The following NEK10 variants were observed in gnomAD, a reference collection of about 807,000 sequenced individuals.
The protein encoded by NEK10 is NIMA related kinase 10, also known as serine/threonine-protein kinase Nek10.
Under a neutral mutation model 159.8 loss-of-function variants are expected in NEK10, and 122 were observed. That is an observed-to-expected ratio of 0.76 (90% confidence interval 0.66 to 0.89). The LOEUF is 0.89. Ranked by LOEUF, NEK10 falls within the 40% of genes least tolerant of loss-of-function variation. NEK10 has a pLI of 0.00. For synonymous variants in NEK10, 466 were observed against 457.1 expected (o/e 1.02, Z -0.25); for missense variants, 1,342 against 1,323.1 (o/e 1.01, Z -0.22).
At chr3:27,298,965 A>C (rs994398879) in intron 13 of NEK10, among the ~76,000 whole-genome samples, 5 of 152,230 alleles carry the variant, frequency 3.3e-5, no homozygotes, top group African/African-American at 1.2e-4. Context: ...ACAGCATAAA[A>C]GTTTGGAAAA....
chr3:27,217,894 T>G (rs1331246368), intron 23 of NEK10, among the ~76,000 whole-genome samples: 1 of 152,168 alleles, frequency 6.6e-6, no homozygotes, highest in Non-Finnish European at 1.5e-5. Context: ...TCCCTAGATA[T>G]ACATATCTAT....
At chr3:27,313,763 A>T (rs1209662896) in intron 7 of NEK10, among the ~76,000 whole-genome samples, 1 of 152,136 alleles carries the variant, frequency 6.6e-6, no homozygotes, top group East Asian at 1.9e-4. Flanking sequence ...CCCAGGCTGG[A>T]GTGCAGTGGT....
intron 29 of NEK10, among the ~76,000 whole-genome samples, chr3:27,165,724 A>G (rs1946413001): frequency 6.6e-6 from 1 of 152,220 alleles, no homozygotes; most frequent in Non-Finnish European, 1.5e-5. Context: ...AAGTGCTGAA[A>G]ATGAGTGTTA....
At chr3:27,117,215 T>A (rs532208973) in intron 33 of NEK10, among the ~76,000 whole-genome samples, 3 of 152,240 alleles carry the variant, frequency 2.0e-5, no homozygotes, top group Non-Finnish European at 4.4e-5. Flanking sequence ...ATTTTCTTTA[T>A]CCAGTCTATC....
chr3:27,295,974 A>T (rs1389988101), intron 14 of NEK10, among the ~76,000 whole-genome samples: 4 of 152,152 alleles, frequency 2.6e-5, no homozygotes. Context: ...AAACAATGAG[A>T]GATTAAAAAG....
chr3:27,269,104 C>A (rs1579817), intron 22 of NEK10, among the ~76,000 whole-genome samples: 1 of 152,012 alleles, frequency 6.6e-6, no homozygotes, highest in African/African-American at 2.4e-5. Context: ...AAAACTTGAA[C>A]GGATGAAGAG....
intron 13 of NEK10, among the ~76,000 whole-genome samples, chr3:27,298,252 G>C (rs1378160033): frequency 6.6e-6 from 1 of 152,116 alleles, no homozygotes; most frequent in African/African-American, 2.4e-5. Flanking sequence ...TGAATTATGG[G>C]GGTGGGTCTT....
At chr3:27,191,938 A>ACTATTTTT in intron 26 of NEK10, 91 bp downstream of exon 26, 2 of 1,080,432 alleles carry the variant, frequency 1.9e-6, no homozygotes, top group Non-Finnish European at 2.8e-6. Context: ...TATTTTTCTA[A>ACTATTTTT]CTTTTGATGA....
intron 5 of NEK10, among the ~76,000 whole-genome samples, chr3:27,343,426 A>C (rs1208642824): frequency 1.3e-5 from 2 of 152,218 alleles, no homozygotes; most frequent in Non-Finnish European, 2.9e-5. Context: ...CATAGAAATA[A>C]TGTTTTTCCA....
At chr3:27,209,065 C>G (rs1347157405) in intron 23 of NEK10, among the ~76,000 whole-genome samples, 2 of 152,130 alleles carry the variant, frequency 1.3e-5, no homozygotes. Flanking sequence ...TGAGAGCCTG[C>G]CTGCTTTTGG....
At chr3:27,175,393 C>T (rs549493961) in intron 26 of NEK10, among the ~76,000 whole-genome samples, 4 of 152,284 alleles carry the variant, frequency 2.6e-5, no homozygotes, top group African/African-American at 9.6e-5. Context: ...GCCACAGGGT[C>T]CTCCTGAATC....
chr3:27,313,943 C>T (rs1013766435), intron 7 of NEK10, among the ~76,000 whole-genome samples: 1 of 152,178 alleles, frequency 6.6e-6, no homozygotes, highest in African/African-American at 2.4e-5. Flanking sequence ...AACTCCTGAC[C>T]TCAGGTGATC....
intron 30 of NEK10, among the ~76,000 whole-genome samples, chr3:27,159,122 C>T (rs748440298): frequency 2.0e-5 from 3 of 152,104 alleles, no homozygotes; most frequent in Non-Finnish European, 2.9e-5. Flanking sequence ...CAGTAGGAAA[C>T]GTATTCCTTT....
At chr3:27,207,611 A>T (rs575493678) in intron 23 of NEK10, among the ~76,000 whole-genome samples, 6 of 152,160 alleles carry the variant, frequency 3.9e-5, no homozygotes, top group Non-Finnish European at 8.8e-5. Flanking sequence ...TATTTATCCA[A>T]TAATATTTGC....
At chr3:27,156,713 C>G (rs114407287) in intron 30 of NEK10, among the ~76,000 whole-genome samples, 2,830 of 151,584 alleles carry the variant, frequency 0.019, 50 homozygotes, top group African/African-American at 0.046. Context: ...GGGAATGTAA[C>G]TAGTACAATC....
intron 22 of NEK10, among the ~76,000 whole-genome samples, chr3:27,260,166 C>T (rs181613244): frequency 7.6e-4 from 116 of 152,242 alleles, no homozygotes; most frequent in Admixed American, 1.1e-3. Flanking sequence ...CATCTGCAAA[C>T]GGGGACAATT....
chr3:27,284,977 A>C lies in NEK10; in HGVS notation c.1790-16T>G. On this transcript the variant is annotated splice_polypyrimidine_tract_variant and intron_variant, in intron 20 of 35. Coordinates refer to ENST00000691995, the MANE Select transcript of NEK10 (RefSeq NM_001394966.1). ...AACCTATCATCTATATAAATATCAC[A>C]AAAGGTCACAGAAATTTAAACTCAA... 6.4e-7 allele frequency: 1 copy of C among 1,569,186 alleles called. No individual in the cohort carries two copies. The highest frequency in any genetic ancestry group is 8.6e-7 in the Non-Finnish European group (1 of 1,163,248).
chr3:27,174,312 T>C (rs1947294376), intron 28 of NEK10, 127 bp downstream of exon 28: 2 of 1,446,948 alleles, frequency 1.4e-6, no homozygotes, highest in African/African-American at 2.9e-5. Flanking sequence ...CTGTCCTAAT[T>C]AGCACTGCAC....
At chr3:27,191,297 GAA>G (rs57891369) in intron 26 of NEK10, among the ~76,000 whole-genome samples, 5 of 140,664 alleles carry the variant, frequency 3.6e-5, no homozygotes, top group Admixed American at 7.1e-5. Context: ...CCCAGAACAG[GAA>G]AAAAAAAAAA....
Sources: allele counts gnomAD v4.1 joint callset (sites outside exome capture counted in the v4.1 genomes callset), GRCh38; gene constraint gnomAD v4.1.1; transcripts MANE v1.5; gene names NCBI Gene and HGNC (gene_info 2026-07-23, HGNC 2026-07-21).